The following ROR1 variants were observed in gnomAD, a reference collection of about 807,000 sequenced individuals.
The protein encoded by ROR1 is ROR family WNT receptor 1.
ROR1 carries 19 observed loss-of-function variants against 78.8 expected under a neutral mutation model. The ratio of observed to expected loss-of-function variants is 0.24; its 90% CI spans 0.17 to 0.35. The LOEUF is 0.35. Ranked by LOEUF, ROR1 falls within the 10% of genes least tolerant of loss-of-function variation. The pLI, the probability that ROR1 is intolerant of heterozygous loss-of-function variation, is 1.00. For synonymous variants in ROR1, 386 were observed against 433.6 expected (o/e 0.89, Z 1.36); for missense variants, 917 against 1,177.8 (o/e 0.78, Z 3.24).
intron 1 of ROR1, among the ~76,000 whole-genome samples, chr1:63,839,343 A>G (rs1557520993): frequency 1.4e-5 from 2 of 142,688 alleles, no homozygotes; most frequent in Admixed American, 1.5e-4. Context: ...CTGTCTCCAT[A>G]TCATCTATCT....
intron 7 of ROR1, among the ~76,000 whole-genome samples, chr1:64,151,089 C>T (rs545194375): frequency 1.3e-5 from 2 of 152,236 alleles, no homozygotes; most frequent in South Asian, 4.1e-4. Flanking sequence ...TGGCACAAGC[C>T]GATAGACTAA....
intron 4 of ROR1, among the ~76,000 whole-genome samples, chr1:64,136,230 G>A (rs1649096441): frequency 6.6e-6 from 1 of 152,152 alleles, no homozygotes; most frequent in East Asian, 1.9e-4. Context: ...GAAAATTGTG[G>A]CTCAGAGGGC....
chr1:63,984,750 T>C (rs1430273185), intron 1 of ROR1, among the ~76,000 whole-genome samples: 1 of 152,230 alleles, frequency 6.6e-6, no homozygotes, highest in Non-Finnish European at 1.5e-5. Context: ...GTGTTTCTTT[T>C]GGTCCTATTC....
chr1:63,945,791 T>C (rs1294626382), intron 1 of ROR1, among the ~76,000 whole-genome samples: 2 of 152,218 alleles, frequency 1.3e-5, no homozygotes, highest in Non-Finnish European at 2.9e-5. Context: ...ATTCAAGACA[T>C]ATTGTCAATT....
intron 1 of ROR1, among the ~76,000 whole-genome samples, chr1:63,794,359 C>T (rs1644745525): frequency 6.6e-6 from 1 of 152,180 alleles, no homozygotes; most frequent in Non-Finnish European, 1.5e-5. Context: ...GCTCAGATGA[C>T]CATGTTCCAG....
intron 2 of ROR1, among the ~76,000 whole-genome samples, chr1:64,016,041 A>G (rs1338903524): frequency 6.6e-6 from 1 of 152,108 alleles, no homozygotes; most frequent in African/African-American, 2.4e-5. Flanking sequence ...TCTGTTTCCC[A>G]AGGGGAGGGC....
At position 63,808,841 on chromosome 1, in the gene ROR1, G is replaced by GTT. The variant is rs11408423; in HGVS notation, c.91+34345_91+34346dup. ...TATAAGAAAATTAGTTTTCATTTAT[G>GTT]TTTTTTTTTTTTTAAAGAATATAAG... On this transcript the variant is annotated intron_variant, in intron 1 of 8. Transcript: ENST00000371079. 4.0e-3 allele frequency among the ~76,000 whole-genome samples: 577 copies of GTT among 145,582 alleles called. 2 individuals carry two copies. The highest frequency in any genetic ancestry group is 0.013 in the African/African-American group (529 of 40,334).
At chr1:63,817,006 G>A (rs191681220) in intron 1 of ROR1, among the ~76,000 whole-genome samples, 15 of 152,254 alleles carry the variant, frequency 9.9e-5, no homozygotes, top group East Asian at 5.8e-4. Context: ...ACCTCACTGC[G>A]CTTAACAAAG....
intron 1 of ROR1, among the ~76,000 whole-genome samples, chr1:63,840,675 G>C (rs1419117650): frequency 2.0e-5 from 3 of 152,170 alleles, no homozygotes; most frequent in Non-Finnish European, 4.4e-5. Flanking sequence ...AAAGAGTTCA[G>C]TTCTTTTGTC....
chr1:64,022,141 C>T (rs1452521475), intron 2 of ROR1, among the ~76,000 whole-genome samples: 1 of 152,148 alleles, frequency 6.6e-6, no homozygotes, highest in Non-Finnish European at 1.5e-5. Flanking sequence ...AGAAGCCAGA[C>T]CTAAAAGGTC....
chr1:64,023,207 G>GCTA, intron 2 of ROR1, among the ~76,000 whole-genome samples: 1 of 152,288 alleles, frequency 6.6e-6, no homozygotes, highest in Non-Finnish European at 1.5e-5. Flanking sequence ...ACAGAAGGAT[G>GCTA]CTAGCATCCT....
intron 1 of ROR1, among the ~76,000 whole-genome samples, chr1:63,929,423 T>TTCTC (rs143762265): frequency 2.0e-5 from 3 of 150,098 alleles, no homozygotes; most frequent in Non-Finnish European, 4.5e-5. Context: ...AGAGTTTCAG[T>TTCTC]TCTCTCTCTC....
Position 63,875,325 on chromosome 1 carries a change from T to G in ROR1, c.91+100817T>G, listed in dbSNP as rs372998573. Among the ~76,000 whole-genome samples, 13 of 152,322 alleles carry G rather than the reference T, an allele frequency of 8.5e-5. No homozygotes were observed. In the East Asian group the frequency reaches 2.3e-3, roughly 27 times the overall value. On this transcript the variant is annotated intron_variant, in intron 1 of 8. Transcript: ENST00000371079. ...AATGAAAAACGTCCAGGTCTTACTA[T>G]CTGAAGTGCAGTTAGTTTTTTCAGC...
chr1:64,016,346 A>G (rs1161578800), intron 2 of ROR1, among the ~76,000 whole-genome samples: 1 of 152,200 alleles, frequency 6.6e-6, no homozygotes, highest in Admixed American at 6.5e-5. Context: ...TTAATATAGA[A>G]AAGAAAATAT....
intron 1 of ROR1, among the ~76,000 whole-genome samples, chr1:63,913,717 C>T (rs1265059148): frequency 5.3e-5 from 8 of 152,162 alleles, no homozygotes; most frequent in African/African-American, 1.7e-4. Flanking sequence ...TCCCTTGCTA[C>T]GAGGCTGCTC....
chr1:64,129,351 CAGTAACACTT>C (rs1259665449), intron 4 of ROR1, among the ~76,000 whole-genome samples: 1 of 152,206 alleles, frequency 6.6e-6, no homozygotes, highest in Non-Finnish European at 1.5e-5. Context: ...AAAGCAATTC[CAGTAACACTT>C]GTGGTAGAAA....
At chr1:64,061,733 T>G (rs189005658) in intron 4 of ROR1, among the ~76,000 whole-genome samples, 265 of 152,308 alleles carry the variant, frequency 1.7e-3, no homozygotes, top group Non-Finnish European at 3.1e-3. Flanking sequence ...GGCAAATTGC[T>G]TACTTTCTCT....
chr1:64,149,139 G>A (rs901502839), intron 7 of ROR1, among the ~76,000 whole-genome samples: 2 of 152,210 alleles, frequency 1.3e-5, no homozygotes, highest in Non-Finnish European at 2.9e-5. Flanking sequence ...ATCTGTGCCG[G>A]CATCTAGCCT....
At chr1:63,778,565 C>T (rs1299369963) in intron 1 of ROR1, among the ~76,000 whole-genome samples, 1 of 152,210 alleles carries the variant, frequency 6.6e-6, no homozygotes, top group African/African-American at 2.4e-5. Context: ...AGAATGGTGC[C>T]AAGTCCTTGT....
Sources: allele counts gnomAD v4.1 joint callset (sites outside exome capture counted in the v4.1 genomes callset), GRCh38; gene constraint gnomAD v4.1.1; transcripts MANE v1.5; gene names NCBI Gene and HGNC (gene_info 2026-07-23, HGNC 2026-07-21).